NUP155: variants seen among roughly 807,000 people sequenced by gnomAD.
NUP155 encodes the protein nucleoporin 155.
In NUP155, 71 loss-of-function variants were observed where a neutral mutation model predicts 180.4. That is an observed-to-expected ratio of 0.39 (90% confidence interval 0.33 to 0.48). The LOEUF (loss-of-function observed/expected upper bound fraction) is 0.48. Ranked by LOEUF, NUP155 falls within the 20% of genes least tolerant of loss-of-function variation. NUP155 has a pLI of 0.91. For missense variants in NUP155, 1,553 were observed against 1,648.9 expected (o/e 0.94, Z 1.01); for synonymous variants, 582 against 559.5 (o/e 1.04, Z -0.57).
rs1177926777 is a variant in NUP155 at position 37,289,207 on chromosome 5, G to C, written c.*2693C>G. On this transcript the variant is annotated 3_prime_UTR_variant, in exon 35 of 35. Transcript: ENST00000231498. ...CGTGCCTGTAGTCCCAGCTATTTAA[G>C]AGGATGAGGTGGGAAGACTGAGTTG... 1 of 152,756 alleles carries C rather than the reference G, an allele frequency of 6.5e-6. No homozygotes were observed. The highest frequency in any genetic ancestry group is 1.5e-5 in the Non-Finnish European group (1 of 68,464). 9.5% of individuals were successfully genotyped at this position (152,756 alleles called of 1,614,324 possible). A position where few individuals can be genotyped will look rare whatever the true frequency, so the allele number is the denominator to read the frequency against.
intron 27 of NUP155, among the ~76,000 whole-genome samples, 165 bp downstream of exon 27, chr5:37,304,574 T>C (rs1231039272): frequency 6.6e-6 from 1 of 152,208 alleles, no homozygotes; most frequent in Non-Finnish European, 1.5e-5. Context: ...AGCAGTAGCC[T>C]ACTTTGCCCC....
At position 37,310,760 on chromosome 5, in the gene NUP155, T is replaced by C. The variant is rs760803505; in HGVS notation, c.2437-17A>G. On this transcript the variant is annotated splice_polypyrimidine_tract_variant and intron_variant, in intron 22 of 34. Transcript: ENST00000231498. ...TTGAAGTTCCTAGGAGCATAAAACT[T>C]TTCTATCACAATTATAGAAATACCA... The C allele has an allele frequency of 6.3e-7, 1 of 1,591,654 alleles. No individual in the cohort carries two copies. Among genetic ancestry groups the C allele is most frequent in the South Asian group, 1.1e-5 (1 of 90,078 alleles).
intron 28 of NUP155, 140 bp downstream of exon 28, chr5:37,303,120 G>T: frequency 9.9e-7 from 1 of 1,008,822 alleles, no homozygotes; most frequent in Non-Finnish European, 1.5e-6. Flanking sequence ...ATACATTTAT[G>T]ACTAAAAAGT....
rs768664657 is a variant in NUP155 at position 37,328,365 on chromosome 5, C to A, written c.1869G>T (p.Pro623=). 1.2e-5 allele frequency: 19 copies of A among 1,606,976 alleles called. No homozygotes were observed. Among genetic ancestry groups the A allele is most frequent in the Non-Finnish European group, 1.6e-5 (19 of 1,173,774 alleles). Residue 623 remains proline (P), a synonymous_variant, in exon 17 of 35, where the codon CCG becomes CCT. Transcript: ENST00000231498. ...PYPNPSFLGT[P]SHGIQPPAMS... ...AACAAAGAAAAGAGGTACCATGAGA[C>A]GGTGTTCCCAAAAAGGATGGATTTG... is the stretch of plus-strand genomic sequence containing the variant.
rs748306374 is a variant in NUP155, at chr5:37,301,432, A to G, written c.3561+5T>C. 4.8e-5 allele frequency: 76 copies of G among 1,590,294 alleles called. No individual in the cohort carries two copies. The East Asian group carries it at 1.5e-3, about 31-fold the overall frequency. ...CTATAAAAATTTCACTTGCTTTTTT[A>G]TTACCTTAGTTATGTCCATCAGCTC... On this transcript the variant is annotated splice_donor_5th_base_variant and intron_variant, in intron 30 of 34. Coordinates refer to ENST00000231498, the MANE Select transcript of NUP155 (RefSeq NM_153485.3).
At chr5:37,334,085 G>A (rs1284570788) in intron 12 of NUP155, among the ~76,000 whole-genome samples, 1 of 151,180 alleles carries the variant, frequency 6.6e-6, no homozygotes, top group African/African-American at 2.4e-5. Context: ...ACAGGCATGA[G>A]CCACCACACC....
rs141727207 is a variant in NUP155, at chr5:37,359,176, T to C, written c.393-1025A>G. 1.7e-3 allele frequency among the ~76,000 whole-genome samples: 254 copies of C among 148,700 alleles called. 1 individual carries two copies. The highest frequency in any genetic ancestry group is 5.8e-3 in the African/African-American group (239 of 40,960). ...ATATAACTTTTTCATTTTATATATA[T>C]TGAATATATAAAAATATTTTTCATT... On this transcript the variant is annotated intron_variant, in intron 3 of 34. Coordinates refer to ENST00000231498, the MANE Select transcript of NUP155 (RefSeq NM_153485.3).
At position 37,342,654 on chromosome 5, in the gene NUP155, A is replaced by G. The variant is rs774170495; in HGVS notation, c.996-8T>C. ...ACAGAACGATCGATGGTCCTAAAAG[A>G]AAGGAGAAAATAAAGTGTATTTTTA... On this transcript the variant is annotated splice_polypyrimidine_tract_variant and splice_region_variant and intron_variant, in intron 9 of 34. Transcript: ENST00000231498. 79 of 1,541,552 alleles carry G rather than the reference A, an allele frequency of 5.1e-5. No individual in the cohort carries two copies. The highest frequency in any genetic ancestry group is 6.4e-5 in the Non-Finnish European group (71 of 1,114,370).
intron 12 of NUP155, among the ~76,000 whole-genome samples, chr5:37,334,733 ACAAGGG>A (rs947083506): frequency 6.6e-6 from 1 of 152,220 alleles, no homozygotes; most frequent in Non-Finnish European, 1.5e-5. Context: ...GTACTAGAGG[ACAAGGG>A]CAAACTTTTC....
chr5:37,345,551 C>T lies in NUP155; in HGVS notation c.996-2905G>A, dbSNP rs1746024163. 2.0e-5 allele frequency among the ~76,000 whole-genome samples: 3 copies of T among 147,046 alleles called. No individual in the cohort carries two copies. The South Asian group carries it at 6.5e-4, about 32-fold the overall frequency. ...AAAAAGTCATGATGTCTACAATGTA[C>T]TTTCAAATGGCTCATAAGACAGGCA... On this transcript the variant is annotated intron_variant, in intron 9 of 34. Coordinates refer to ENST00000231498, the MANE Select transcript of NUP155 (RefSeq NM_153485.3).
intron 24 of NUP155, among the ~76,000 whole-genome samples, chr5:37,307,782 C>T (rs1205997519): frequency 2.0e-5 from 3 of 151,698 alleles, no homozygotes; most frequent in African/African-American, 7.3e-5. Flanking sequence ...ATTAGCTGGG[C>T]CTGGTGGCAT....
chr5:37,349,172 C>T lies in NUP155; in HGVS notation c.903G>A (p.Gln301=). ...LYTRSEKGVI[Q]VYDLGQDGQG... is the part of the protein sequence containing the mutation. ...ATGGTATAATAATATTAATACTAAC[C>T]TGTATTACTCCTTTCTCAGATCGTG... The change falls in exon 8 of 35, where the codon CAG becomes CAA. Residue 301 remains glutamine (Q), a splice_region_variant and synonymous_variant. Transcript: ENST00000231498. 1 of 679,910 alleles carries T rather than the reference C, an allele frequency of 1.5e-6. No homozygotes were observed. The highest frequency in any genetic ancestry group is 2.4e-6 in the Non-Finnish European group (1 of 418,046). The allele number at this position is 679,910 out of a possible 1,614,324, so 42.1% of individuals were successfully genotyped here. A position where few individuals can be genotyped will look rare whatever the true frequency, so the allele number is the denominator to read the frequency against.
chr5:37,305,793 GC>G (rs1743120974), intron 25 of NUP155, among the ~76,000 whole-genome samples: 2 of 151,968 alleles, frequency 1.3e-5, no homozygotes, highest in Non-Finnish European at 2.9e-5. Flanking sequence ...GATCGCTTGA[GC>G]CTAGGAATTC....
At position 37,337,836 on chromosome 5, in the gene NUP155, C is replaced by T. The variant is rs761224362; in HGVS notation, c.1329G>A (p.Lys443=). ...CVNHDTFPFQ[K]PMMETQMTAG... is the part of the protein sequence containing the mutation. ...AACTTACCTGGGTTTCCATCATTGG[C>T]TTTTGGAAAGGAAAAGTATCATGGT... The change falls in exon 12 of 35, where the codon AAG becomes AAA. Residue 443 remains lysine, a synonymous_variant. Transcript: ENST00000231498. 59 of 1,608,114 alleles carry T rather than the reference C, an allele frequency of 3.7e-5. No individual in the cohort carries two copies. Among genetic ancestry groups the T allele is most frequent in the Non-Finnish European group, 4.9e-5 (57 of 1,175,140 alleles).
chr5:37,325,830 T>C, intron 19 of NUP155, 71 bp downstream of exon 19: 1 of 941,984 alleles, frequency 1.1e-6, no homozygotes. Flanking sequence ...TCAGGAAATG[T>C]GAAACAATCT....
chr5:37,297,977 C>T (rs968980127), intron 32 of NUP155, among the ~76,000 whole-genome samples: 11 of 151,236 alleles, frequency 7.3e-5, no homozygotes, highest in Non-Finnish European at 1.5e-4. Flanking sequence ...GTGGCGAACG[C>T]CTTTAATCCC....
chr5:37,323,934 T>G, intron 20 of NUP155, 58 bp downstream of exon 20: 1 of 1,229,860 alleles, frequency 8.1e-7, no homozygotes, highest in Non-Finnish European at 1.2e-6. Flanking sequence ...GTAAATCATC[T>G]CAACAAAAAA....
At chr5:37,365,713 G>GA (rs869240751) in intron 1 of NUP155, among the ~76,000 whole-genome samples, 2 of 22,682 alleles carry the variant, frequency 8.8e-5, no homozygotes, top group African/African-American at 2.1e-4. Context: ...GTCTCGGGGA[G>GA]AAAAAAAAAA....
intron 21 of NUP155, among the ~76,000 whole-genome samples, chr5:37,315,250 A>G (rs1743809076): frequency 6.6e-6 from 1 of 152,202 alleles, no homozygotes; most frequent in Admixed American, 6.6e-5. Flanking sequence ...CAAACCAGAA[A>G]GTTCTATCAC....
Sources: allele counts gnomAD v4.1 joint callset (sites outside exome capture counted in the v4.1 genomes callset), GRCh38; gene constraint gnomAD v4.1.1; transcripts MANE v1.5; gene names NCBI Gene and HGNC (gene_info 2026-07-23, HGNC 2026-07-21).